EDAR: variants seen among roughly 807,000 people sequenced by gnomAD.
EDAR encodes the protein ectodysplasin A receptor.
EDAR carries 38 observed loss-of-function variants against 51.3 expected under a neutral mutation model. That is an observed-to-expected ratio of 0.74 (90% confidence interval 0.57 to 0.97). The LOEUF is 0.97. Among genes scored for constraint, EDAR ranks in the 50% least tolerant of loss-of-function variants. The pLI, the probability that EDAR is intolerant of heterozygous loss-of-function variation, is 0.00. For synonymous variants in EDAR, 227 were observed against 242.1 expected, an observed-to-expected ratio of 0.94 and a Z score of 0.58; for missense variants, 528 against 595.0, an observed-to-expected ratio of 0.89 and a Z score of 1.17.
intron 1 of EDAR, among the ~76,000 whole-genome samples, chr2:108,932,998 G>C (rs1053903600): frequency 6.6e-6 from 1 of 152,138 alleles, no homozygotes; most frequent in African/African-American, 2.4e-5. Context: ...GAAGAGGGTG[G>C]GCAGAATCCT....
rs527248830 is a variant in EDAR, at chr2:108,910,808, A to G, written c.698T>C (p.Val233Ala). The G allele has an allele frequency of 1.9e-6, 3 of 1,613,580 alleles. No homozygotes were observed. The East Asian group carries it at 6.7e-5, about 36-fold the overall frequency. ...CTCTTTCTTCTCCTCGTCCTTGCTC[A>G]CTTGGGCCTCCACGCTCTTCCCCGG... is the stretch of plus-strand genomic sequence containing the variant. The part of the protein sequence containing the change: ...SHPGKSVEAQ[V>A]SKDEEKKEAP... The change falls in exon 8 of 12, where the codon GTG (valine) becomes GCG (alanine). Residue 233 changes from valine to alanine, a missense_variant. Coordinates refer to ENST00000258443, the MANE Select transcript of EDAR (RefSeq NM_022336.4).
At chr2:108,938,250 GATA>G (rs1697514955) in intron 1 of EDAR, among the ~76,000 whole-genome samples, 1 of 152,218 alleles carries the variant, frequency 6.6e-6, no homozygotes, top group Non-Finnish European at 1.5e-5. Context: ...CAGTGACGAT[GATA>G]ATTTCTGAAG....
intron 11 of EDAR, among the ~76,000 whole-genome samples, chr2:108,905,790 T>C (rs1696790373): frequency 6.6e-6 from 1 of 152,152 alleles, no homozygotes; most frequent in Non-Finnish European, 1.5e-5. Flanking sequence ...TCCTGTTGCC[T>C]CTTAACCTGC....
intron 1 of EDAR, among the ~76,000 whole-genome samples, chr2:108,984,103 A>G (rs968863931): frequency 6.6e-6 from 1 of 152,192 alleles, no homozygotes; most frequent in Non-Finnish European, 1.5e-5. Flanking sequence ...TAGGGTCTTC[A>G]TAATTTTTCT....
chr2:108,975,949 T>C lies in EDAR; in HGVS notation c.-19+13011A>G, dbSNP rs1698315670. ...TCTTCTGCTTTAGGACAGTTTTAGA[T>C]TTATAGACAAGTTGTAAATTCAATA... On this transcript the variant is annotated intron_variant, in intron 1 of 11. Transcript: ENST00000258443. 2.0e-5 allele frequency among the ~76,000 whole-genome samples: 3 copies of C among 152,122 alleles called. No individual in the cohort carries two copies. The South Asian group carries it at 6.2e-4, about 32-fold the overall frequency.
chr2:108,915,857 AT>A (rs1697017214), intron 5 of EDAR, among the ~76,000 whole-genome samples: 1 of 152,102 alleles, frequency 6.6e-6, no homozygotes, highest in Admixed American at 6.6e-5. Context: ...AGACCACGCC[AT>A]TGCACTCCAT....
chr2:108,953,735 G>A (rs939434388), intron 1 of EDAR, among the ~76,000 whole-genome samples: 5 of 152,072 alleles, frequency 3.3e-5, no homozygotes, highest in African/African-American at 7.2e-5. Context: ...GGCTGGTGGC[G>A]ATGGAAACAA....
chr2:108,914,221 C>T (rs1362186286), intron 5 of EDAR, among the ~76,000 whole-genome samples: 3 of 151,942 alleles, frequency 2.0e-5, no homozygotes, highest in Admixed American at 2.0e-4. Context: ...GATCACACCA[C>T]TGCACTCTAG....
At chr2:108,967,351 T>C (rs1421952913) in intron 1 of EDAR, among the ~76,000 whole-genome samples, 3 of 152,156 alleles carry the variant, frequency 2.0e-5, no homozygotes, top group Non-Finnish European at 4.4e-5. Flanking sequence ...TTTACTTCAA[T>C]AGTTCATGTT....
At chr2:108,907,428 C>T (rs1404566501) in intron 10 of EDAR, among the ~76,000 whole-genome samples, 1 of 152,014 alleles carries the variant, frequency 6.6e-6, no homozygotes, top group East Asian at 1.9e-4. Context: ...GGTGGATTGC[C>T]TGAACTCAGG....
intron 1 of EDAR, among the ~76,000 whole-genome samples, chr2:108,987,830 T>A (rs1237971600): frequency 6.6e-6 from 1 of 152,230 alleles, no homozygotes; most frequent in Non-Finnish European, 1.5e-5. Context: ...CTCTTTTTGG[T>A]GGCCTCTGTC....
intron 1 of EDAR, among the ~76,000 whole-genome samples, chr2:108,987,259 T>G (rs920272838): frequency 6.6e-6 from 1 of 152,208 alleles, no homozygotes; most frequent in African/African-American, 2.4e-5. Flanking sequence ...GAAAGGAGCG[T>G]CAGGTAACCC....
At chr2:108,911,479 C>T (rs1181041808) in intron 6 of EDAR, among the ~76,000 whole-genome samples, 1 of 152,196 alleles carries the variant, frequency 6.6e-6, no homozygotes, top group Non-Finnish European at 1.5e-5. Flanking sequence ...CGAAAGTCAG[C>T]TCTGGATTCC....
chr2:108,930,377 G>A lies in EDAR; in HGVS notation c.52-135C>T, dbSNP rs78231164. 0.011 allele frequency: 9,965 copies of A among 914,292 alleles called. 614 individuals are homozygous for A. In the African/African-American group the frequency reaches 0.14, roughly 13 times the overall value. 56.6% of individuals were successfully genotyped at this position (914,292 alleles called of 1,614,324 possible). A position where few individuals can be genotyped will look rare whatever the true frequency, so the allele number is the denominator to read the frequency against. On this transcript the variant is annotated intron_variant, in intron 2 of 11. Transcript: ENST00000258443. ...TGCTGGGGGCTCGGTCTGGGAAGGT[G>A]CCCGCTTGTGAGTGCTCACTGCTGC...
chr2:108,918,614 C>T (rs571790687), intron 5 of EDAR, among the ~76,000 whole-genome samples: 13 of 152,288 alleles, frequency 8.5e-5, no homozygotes, highest in Non-Finnish European at 1.5e-4. Context: ...GCCTACCTCG[C>T]GTGGAGTTCG....
chr2:108,962,646 GCCTGGGCGACAGAGCGAGACTCTGTCTC>G (rs1558835185), intron 1 of EDAR, among the ~76,000 whole-genome samples: 42 of 129,498 alleles, frequency 3.2e-4, no homozygotes, highest in African/African-American at 1.2e-3. Context: ...CTGCCCTCCA[GCCTGGGCGACAGAGCGAGACTCTGTCTC>G]AAAAAAAAAA....
intron 1 of EDAR, among the ~76,000 whole-genome samples, chr2:108,981,002 G>A (rs1574416769): frequency 1.3e-5 from 2 of 152,156 alleles, no homozygotes; most frequent in Non-Finnish European, 2.9e-5. Flanking sequence ...GCCAGGCAGA[G>A]GTTGAGCTGA....
chr2:108,980,377 C>G (rs181672762), intron 1 of EDAR, among the ~76,000 whole-genome samples: 1 of 152,094 alleles, frequency 6.6e-6, no homozygotes, highest in Admixed American at 6.5e-5. Context: ...GCCACTAATG[C>G]TCTGGTGGGC....
At chr2:108,954,572 C>CTA (rs1697884722) in intron 1 of EDAR, among the ~76,000 whole-genome samples, 2 of 152,184 alleles carry the variant, frequency 1.3e-5, no homozygotes, top group Non-Finnish European at 2.9e-5. Flanking sequence ...CCCACCCAGC[C>CTA]CTGTGCCTGG....
Sources: allele counts gnomAD v4.1 joint callset (sites outside exome capture counted in the v4.1 genomes callset), GRCh38; gene constraint gnomAD v4.1.1; transcripts MANE v1.5; gene names NCBI Gene and HGNC (gene_info 2026-07-23, HGNC 2026-07-21).